ATP10B: variants seen among roughly 807,000 people sequenced by gnomAD.
ATP10B encodes the protein ATPase phospholipid transporting 10B (putative).
In ATP10B, 122 loss-of-function variants were observed where a neutral mutation model predicts 141.2. That is an observed-to-expected ratio of 0.86 (90% CI 0.75 to 1.00). The LOEUF is 1.00. ATP10B is among the 50% of genes least tolerant of loss of function. The pLI, the probability that ATP10B is intolerant of heterozygous loss-of-function variation, is 0.00. For missense variants in ATP10B, 1,876 were observed against 1,825.3 expected (o/e 1.03, Z -0.51); for synonymous variants, 685 against 692.0 (o/e 0.99, Z 0.16).
chr5:160,912,222 TAA>T, the ATP10B span, among the ~76,000 whole-genome samples: 1 of 151,908 alleles, frequency 6.6e-6, no homozygotes, highest in African/African-American at 2.4e-5. Flanking sequence ...TAATGAAGAA[TAA>T]GTTACCCAAG....
chr5:160,706,933 G>A (rs1169157405), intron 3 of ATP10B, among the ~76,000 whole-genome samples: 1 of 150,860 alleles, frequency 6.6e-6, no homozygotes, highest in Non-Finnish European at 1.5e-5. Context: ...TGGACTGTTG[G>A]TTTGTTTTAA....
intron 8 of ATP10B, among the ~76,000 whole-genome samples, chr5:160,648,142 C>T (rs901942158): frequency 6.6e-6 from 1 of 152,134 alleles, no homozygotes; most frequent in Non-Finnish European, 1.5e-5. Context: ...TCATCATAAT[C>T]CACATCACGA....
intron 2 of ATP10B, among the ~76,000 whole-genome samples, chr5:160,728,168 G>A (rs1160615843): frequency 6.6e-6 from 1 of 151,668 alleles, no homozygotes; most frequent in African/African-American, 2.4e-5. Flanking sequence ...ACTAACTAAA[G>A]TCTCACAAGA....
chr5:160,706,982 G>A (rs769232575), intron 3 of ATP10B, among the ~76,000 whole-genome samples: 10 of 150,492 alleles, frequency 6.6e-5, no homozygotes, highest in African/African-American at 1.5e-4. Flanking sequence ...ACAGAGTCTC[G>A]CTTTGTCGCC....
intron 2 of ATP10B, among the ~76,000 whole-genome samples, chr5:160,757,596 T>C (rs917287395): frequency 1.3e-5 from 2 of 152,348 alleles, no homozygotes; most frequent in East Asian, 1.9e-4. Context: ...GCTTTGTTTT[T>C]CACTTGGGTA....
At chr5:160,765,450 A>G (rs1433618821) in intron 2 of ATP10B, among the ~76,000 whole-genome samples, 1 of 152,192 alleles carries the variant, frequency 6.6e-6, no homozygotes, top group Non-Finnish European at 1.5e-5. Context: ...GCAAACAAAA[A>G]CATAAAATGG....
chr5:160,653,086 T>TTA (rs1372760376), intron 7 of ATP10B, among the ~76,000 whole-genome samples: 1 of 125,286 alleles, frequency 8.0e-6, no homozygotes, highest in Non-Finnish European at 1.6e-5. Flanking sequence ...AGTGTATATA[T>TTA]TATATATACA....
intron 2 of ATP10B, among the ~76,000 whole-genome samples, chr5:160,766,575 A>G (rs1769448300): frequency 6.6e-6 from 1 of 152,086 alleles, no homozygotes. Context: ...GATACATTGG[A>G]CTCAGAGGAC....
intron 2 of ATP10B, among the ~76,000 whole-genome samples, chr5:160,758,934 T>C (rs1370318503): frequency 6.6e-6 from 1 of 152,224 alleles, no homozygotes; most frequent in Non-Finnish European, 1.5e-5. Flanking sequence ...CTGTCTGCCA[T>C]GGTACATGAT....
In ATP10B at chr5:160,622,513, A is replaced by T; in HGVS notation, c.1693T>A (p.Ser565Thr). 6.2e-7 allele frequency: 1 copy of T among 1,614,104 alleles called. No individual in the cohort carries two copies. The highest frequency in any genetic ancestry group is 8.5e-7 in the Non-Finnish European group (1 of 1,179,994). Reference sequence around the variant, plus strand: ...GAAGCCTTGGCAGGTCTGCTGTCTGACAAGGTCTCCAACCACAGGGCAGCA... The same window carrying T: ...GAAGCCTTGGCAGGTCTGCTGTCTGTCAAGGTCTCCAACCACAGGGCAGCA... ...RDAALWLETL[S>T]DSRPAKASLS... The change falls in exon 14 of 26, where the codon TCA (serine) becomes ACA (threonine). Residue 565 changes from serine to threonine, a missense_variant. Ser to Thr is a moderately conservative substitution (Grantham distance 58). Coordinates refer to ENST00000327245, the MANE Select transcript of ATP10B (RefSeq NM_025153.3).
At chr5:160,830,991 A>ACACACACACACACACACACT (rs138245065) in intron 1 of ATP10B, among the ~76,000 whole-genome samples, 1 of 150,686 alleles carries the variant, frequency 6.6e-6, no homozygotes, top group African/African-American at 2.4e-5. Context: ...ACACACACAC[A>ACACACACACACACACACACT]CACACACAGA....
the ATP10B span, among the ~76,000 whole-genome samples, chr5:160,913,282 C>T: frequency 6.6e-6 from 1 of 152,238 alleles, no homozygotes; most frequent in South Asian, 2.1e-4. Context: ...TCCCTGTTGC[C>T]CTTCTACTTC....
At chr5:160,718,441 G>A (rs1765784021) in intron 2 of ATP10B, among the ~76,000 whole-genome samples, 1 of 152,132 alleles carries the variant, frequency 6.6e-6, no homozygotes, top group Non-Finnish European at 1.5e-5. Flanking sequence ...ATTTTGTGTT[G>A]CTCTAACAAT....
At chr5:160,725,095 C>T (rs1034314783) in intron 2 of ATP10B, among the ~76,000 whole-genome samples, 1 of 152,026 alleles carries the variant, frequency 6.6e-6, no homozygotes, top group Non-Finnish European at 1.5e-5. Flanking sequence ...AGACCTATTC[C>T]TCTGACTTAA....
chr5:160,831,958 A>G (rs1775110644), intron 1 of ATP10B, among the ~76,000 whole-genome samples: 1 of 152,110 alleles, frequency 6.6e-6, no homozygotes, highest in Non-Finnish European at 1.5e-5. Flanking sequence ...GGAATTTCCA[A>G]TCTAACTTGA....
intron 3 of ATP10B, among the ~76,000 whole-genome samples, chr5:160,703,824 G>A (rs1764817047): frequency 6.6e-6 from 1 of 152,098 alleles, no homozygotes; most frequent in African/African-American, 2.4e-5. Flanking sequence ...CTTATGAAAT[G>A]TATTTCTTAA....
At chr5:160,875,392 C>A in the ATP10B span, among the ~76,000 whole-genome samples, 1 of 109,922 alleles carries the variant, frequency 9.1e-6, no homozygotes, top group South Asian at 3.1e-4. Flanking sequence ...AAGCGCTAAA[C>A]ATGGAAAGGA....
At chr5:160,586,698 T>C (rs1490787056) in intron 24 of ATP10B, among the ~76,000 whole-genome samples, 3 of 152,252 alleles carry the variant, frequency 2.0e-5, no homozygotes, top group African/African-American at 7.2e-5. Flanking sequence ...CTCATTATGG[T>C]TTTGATTTGC....
At chr5:160,661,143 G>A (rs535811427) in intron 7 of ATP10B, among the ~76,000 whole-genome samples, 28 of 151,996 alleles carry the variant, frequency 1.8e-4, no homozygotes, top group South Asian at 1.5e-3. Context: ...CTGAGATCGC[G>A]CCATTGCACT....
Sources: allele counts gnomAD v4.1 joint callset (sites outside exome capture counted in the v4.1 genomes callset), GRCh38; gene constraint gnomAD v4.1.1; transcripts MANE v1.5; gene names NCBI Gene and HGNC (gene_info 2026-07-23, HGNC 2026-07-21).